GART: variants seen among roughly 807,000 people sequenced by gnomAD.
GART encodes trifunctional purine biosynthetic protein adenosine-3.
Under a neutral mutation model 107.2 loss-of-function variants are expected in GART, and 43 were observed. The observed-to-expected ratio is 0.40, with a 90% CI of 0.31 to 0.52. GART has a LOEUF of 0.52. Among genes scored for constraint, GART ranks in the 20% least tolerant of loss-of-function variants. GART has a pLI of 0.52. For missense variants in GART, 1,107 were observed against 1,206.5 expected, an observed-to-expected ratio of 0.92 and a Z score of 1.22; for synonymous variants, 434 against 427.0, an observed-to-expected ratio of 1.02 and a Z score of -0.20.
intron 16 of GART, among the ~76,000 whole-genome samples, chr21:33,515,601 C>T (rs541421024): frequency 2.2e-5 from 3 of 139,144 alleles, no homozygotes; most frequent in Non-Finnish European, 3.0e-5. Flanking sequence ...GATTGCGCCA[C>T]TGCACTCCAG....
Position 33,512,364 on chromosome 21 carries a change from T to G in GART, c.2108-906A>C, listed in dbSNP as rs148190843. 1.7e-4 allele frequency among the ~76,000 whole-genome samples: 26 copies of G among 151,282 alleles called. No homozygotes were observed. In the East Asian group the frequency reaches 3.7e-3, roughly 21 times the overall value. ...TACAACAAAAATCTCTAATAAAAAT[T>G]TTTAGGTAAAGGTCTATATACACAC... On this transcript the variant is annotated intron_variant, in intron 16 of 21. Transcript: ENST00000381815.
chr21:33,532,484 C>G, intron 4 of GART, 28 bp from the exon 5 acceptor site: 1 of 1,494,046 alleles, frequency 6.7e-7, no homozygotes, highest in Non-Finnish European at 9.3e-7. Context: ...TCGTCAACAT[C>G]CAATAAACCA....
Position 33,519,310 on chromosome 21 carries a change from T to G in GART, c.1702+1054A>C, listed in dbSNP as rs1400291144. Among the ~76,000 whole-genome samples, 3 of 152,094 alleles carry G rather than the reference T, an allele frequency of 2.0e-5. No individual in the cohort carries two copies. In the East Asian group the frequency reaches 5.8e-4, roughly 29 times the overall value. ...GGCTCATGCCTGTAATCCCAGCACTTTGGGAGGCCGAGGCAGGCAGATCAC... is the reference window on the plus strand; with the variant it reads ...GGCTCATGCCTGTAATCCCAGCACTGTGGGAGGCCGAGGCAGGCAGATCAC... On this transcript the variant is annotated intron_variant, in intron 14 of 21. Transcript: ENST00000381815.
Position 33,524,273 on chromosome 21 carries a change from A to G in GART, c.1298+496T>C, listed in dbSNP as rs528688653. On this transcript the variant is annotated intron_variant, in intron 11 of 21. Coordinates refer to ENST00000381815, the MANE Select transcript of GART (RefSeq NM_000819.5). ...AGGAATAAAAATCAGTATCAGGCCA[A>G]GTGCAGCGGCTCATGCCTATAATCC... 8.4e-5 allele frequency: 83 copies of G among 986,136 alleles called. No homozygotes were observed. In the African/African-American group the frequency reaches 1.4e-3, roughly 17 times the overall value. The allele number at this position is 986,136 out of a possible 1,614,324, so 61.1% of individuals were successfully genotyped here.
At position 33,538,775 on chromosome 21, in the gene GART, G is replaced by A. The variant is rs571694194; in HGVS notation, c.145+396C>T. 3.3e-5 allele frequency among the ~76,000 whole-genome samples: 5 copies of A among 152,146 alleles called. No homozygotes were observed. In the South Asian group the frequency reaches 6.2e-4, roughly 19 times the overall value. On this transcript the variant is annotated intron_variant, in intron 2 of 21. Coordinates refer to ENST00000381815, the MANE Select transcript of GART (RefSeq NM_000819.5). ...CAAGGAAAGCACTCAACCCTGAATA[G>A]TAGTCTATATTTTATTTTATTTTGA...
chr21:33,525,005 AAG>A lies in GART; in HGVS notation c.1067-7_1067-6del. On this transcript the variant is annotated splice_polypyrimidine_tract_variant and splice_region_variant and intron_variant, in intron 10 of 21. Coordinates refer to ENST00000381815, the MANE Select transcript of GART (RefSeq NM_000819.5). The stretch of plus-strand genomic sequence containing the variant: ...GAGCTTGAGCCTCAGGAAACCCTAG[AAG>A]AGAGCATATTTGACATATGATTTCA... 6.2e-7 allele frequency: 1 copy of A among 1,612,472 alleles called. No individual in the cohort carries two copies. The highest frequency in any genetic ancestry group is 8.5e-7 in the Non-Finnish European group (1 of 1,179,264).
At chr21:33,542,641 A>C (rs2085474148), upstream of GART, 1 of 164,916 alleles carries the variant, frequency 6.1e-6, no homozygotes, top group Admixed American at 6.0e-5. Flanking sequence ...ATCCCTGTCG[A>C]AACTGAACTT....
chr21:33,522,251 T>C lies in GART; in HGVS notation c.1330A>G (p.Ile444Val), dbSNP rs1212229652. The C allele has an allele frequency of 7.4e-6, 12 of 1,613,846 alleles. No individual in the cohort carries two copies. Among genetic ancestry groups the C allele is most frequent in the Non-Finnish European group, 1.0e-5 (12 of 1,179,894 alleles). Residue 444 changes from isoleucine (I) to valine (V), a missense_variant, in exon 12 of 22, where the codon ATC becomes GTC. Ile to Val is a conservative substitution (Grantham distance 29). Transcript: ENST00000381815. The stretch of plus-strand genomic sequence containing the variant: ...TTGACCAGCATATTTCCAGCTGCGA[T>C]ATCTACTCCAGATTCCTTGTAAGTC... Reference protein sequence around the residue: ...SLTYKESGVDIAAGNMLVKKI... With the variant: ...SLTYKESGVDVAAGNMLVKKI...
At chr21:33,527,218 AATTAAAT>A (rs2085089999) in intron 10 of GART, among the ~76,000 whole-genome samples, 1 of 152,130 alleles carries the variant, frequency 6.6e-6, no homozygotes, top group Admixed American at 6.6e-5. Context: ...GGGGTTGTTG[AATTAAAT>A]ACACTACTGG....
chr21:33,516,246 T>TAAAAA (rs11321647), intron 16 of GART, among the ~76,000 whole-genome samples: 41 of 95,098 alleles, frequency 4.3e-4, no homozygotes, highest in African/African-American at 5.6e-4. Context: ...AGACTCTGTC[T>TAAAAA]AAAAAAAAAA....
At chr21:33,539,093 ATAAAG>A (rs1361018593) in intron 2 of GART, 73 bp downstream of exon 2, 1 of 1,407,884 alleles carries the variant, frequency 7.1e-7, no homozygotes, top group African/African-American at 1.4e-5. Context: ...CTTTATTAAC[ATAAAG>A]TACAGATATG....
At chr21:33,508,117 T>C (rs2084716389) in intron 18 of GART, among the ~76,000 whole-genome samples, 1 of 152,196 alleles carries the variant, frequency 6.6e-6, no homozygotes, top group Non-Finnish European at 1.5e-5. Context: ...TCCATCCATA[T>C]TGCTGCAAAC....
chr21:33,530,991 T>TC, intron 6 of GART, 107 bp from the exon 7 acceptor site: 1 of 1,121,746 alleles, frequency 8.9e-7, no homozygotes. Flanking sequence ...AGGAAAAGTT[T>TC]GTTTTTTTTT....
chr21:33,533,434 G>C (rs1258968221), intron 4 of GART, among the ~76,000 whole-genome samples: 1 of 65,310 alleles, frequency 1.5e-5, no homozygotes, highest in African/African-American at 6.7e-5. Flanking sequence ...GAAAGAACGA[G>C]ACTCAAAAAA....
chr21:33,507,598 A>G (rs959519284), intron 18 of GART, among the ~76,000 whole-genome samples: 1 of 152,208 alleles, frequency 6.6e-6, no homozygotes, highest in African/African-American at 2.4e-5. Flanking sequence ...AGGCAGGCGG[A>G]TCATACTGAG....
At chr21:33,505,877 A>G (rs1368000114) in intron 19 of GART, 97 bp downstream of exon 19, 3 of 1,520,938 alleles carry the variant, frequency 2.0e-6, no homozygotes, top group African/African-American at 1.4e-5. Flanking sequence ...AAAATGGCGA[A>G]GTCCCAAGAA....
At chr21:33,511,687 G>C (rs2084788386) in intron 16 of GART, among the ~76,000 whole-genome samples, 1 of 152,122 alleles carries the variant, frequency 6.6e-6, no homozygotes, top group African/African-American at 2.4e-5. Flanking sequence ...AATGAGTGAG[G>C]TTTTGTGCTA....
At chr21:33,524,029 G>A (rs2085022047) in intron 11 of GART, 1 of 594,176 alleles carries the variant, frequency 1.7e-6, no homozygotes, top group African/African-American at 2.1e-5. Flanking sequence ...AGACTTTATT[G>A]ATTTTACAAG....
intron 15 of GART, 99 bp from the exon 16 acceptor site, chr21:33,517,240 C>T: frequency 1.9e-6 from 3 of 1,558,044 alleles, no homozygotes. Context: ...CAATAATGAC[C>T]AAGTAGCAAA....
Sources: allele counts gnomAD v4.1 joint callset (sites outside exome capture counted in the v4.1 genomes callset), GRCh38; gene constraint gnomAD v4.1.1; transcripts MANE v1.5; gene names NCBI Gene and HGNC (gene_info 2026-07-23, HGNC 2026-07-21).